SLC30A8: variants seen among roughly 807,000 people sequenced by gnomAD.
SLC30A8 encodes the protein solute carrier family 30 member 8, also known as proton-coupled zinc antiporter SLC30A8.
Under a neutral mutation model 36.9 loss-of-function variants are expected in SLC30A8, and 27 were observed. That is an observed-to-expected ratio of 0.73 (90% CI 0.54 to 1.01). The LOEUF (loss-of-function observed/expected upper bound fraction) is 1.01. SLC30A8 is among the 50% of genes least tolerant of loss of function. SLC30A8 has a pLI of 0.00. For synonymous variants in SLC30A8, 164 were observed against 172.4 expected, an observed-to-expected ratio of 0.95 and a Z score of 0.38; for missense variants, 439 against 452.0, an observed-to-expected ratio of 0.97 and a Z score of 0.26.
At chr8:117,099,325 G>A (rs16889399) in intron 2 of SLC30A8, among the ~76,000 whole-genome samples, 14,440 of 152,074 alleles carry the variant, frequency 0.095, 1,115 homozygotes, top group African/African-American at 0.22. Flanking sequence ...CAGGTCTCAC[G>A]TCTCAGCTAC....
intron 2 of SLC30A8, among the ~76,000 whole-genome samples, chr8:117,076,459 A>G (rs928184296): frequency 6.6e-6 from 1 of 152,188 alleles, no homozygotes; most frequent in African/African-American, 2.4e-5. Context: ...GTTACTCATC[A>G]AGATGAATGA....
At chr8:116,968,336 TA>T (rs960444960) in intron 1 of SLC30A8, among the ~76,000 whole-genome samples, 1 of 150,012 alleles carries the variant, frequency 6.7e-6, no homozygotes, top group Non-Finnish European at 1.5e-5. Context: ...AGTATAGCTA[TA>T]TTATATAGCT....
chr8:117,117,485 G>A (rs1479384589), intron 2 of SLC30A8, among the ~76,000 whole-genome samples: 3 of 152,018 alleles, frequency 2.0e-5, no homozygotes, highest in Non-Finnish European at 4.4e-5. Flanking sequence ...TGTTGGGAAG[G>A]AAGATGCTTT....
At chr8:117,140,569 G>T (rs1488719514) in intron 1 of SLC30A8, among the ~76,000 whole-genome samples, 1 of 152,072 alleles carries the variant, frequency 6.6e-6, no homozygotes, top group Non-Finnish European at 1.5e-5. Context: ...TCTACCAGAA[G>T]CAAAGGAGGA....
chr8:117,094,005 G>A (rs1819251289), intron 2 of SLC30A8, among the ~76,000 whole-genome samples: 1 of 152,242 alleles, frequency 6.6e-6, no homozygotes. Context: ...CAGGCATCCT[G>A]CAAGCAGCTT....
At chr8:117,066,486 A>G (rs936254276) in intron 2 of SLC30A8, among the ~76,000 whole-genome samples, 7 of 152,184 alleles carry the variant, frequency 4.6e-5, no homozygotes, top group Non-Finnish European at 1.0e-4. Context: ...TTCTAGTAAC[A>G]GAAAAGTGAT....
chr8:117,031,307 G>A (rs1487923976), intron 1 of SLC30A8, among the ~76,000 whole-genome samples: 1 of 152,166 alleles, frequency 6.6e-6, no homozygotes, highest in Non-Finnish European at 1.5e-5. Flanking sequence ...GTTGTTTAGA[G>A]AGAAACAGTA....
At chr8:117,073,584 A>G (rs899173466) in intron 2 of SLC30A8, among the ~76,000 whole-genome samples, 1 of 152,176 alleles carries the variant, frequency 6.6e-6, no homozygotes, top group Non-Finnish European at 1.5e-5. Context: ...CTCTACAAAT[A>G]GTTCTTGCTT....
intron 2 of SLC30A8, among the ~76,000 whole-genome samples, chr8:117,058,149 G>A (rs1462127498): frequency 6.6e-6 from 1 of 151,968 alleles, no homozygotes; most frequent in Admixed American, 6.6e-5. Flanking sequence ...TGATGTTGAG[G>A]ACCTTTTTGT....
At chr8:117,070,895 A>G (rs1446708266) in intron 2 of SLC30A8, among the ~76,000 whole-genome samples, 2 of 152,162 alleles carry the variant, frequency 1.3e-5, no homozygotes, top group African/African-American at 4.8e-5. Context: ...TTTAAGGCTG[A>G]ATACTATTCC....
chr8:117,099,171 GTC>G (rs749832621), intron 2 of SLC30A8, among the ~76,000 whole-genome samples: 7 of 152,086 alleles, frequency 4.6e-5, no homozygotes, highest in Non-Finnish European at 1.0e-4. Flanking sequence ...AAACCATTCT[GTC>G]TCTCACACAC....
chr8:116,985,852 A>G (rs1046085340), intron 1 of SLC30A8, among the ~76,000 whole-genome samples: 1 of 146,018 alleles, frequency 6.8e-6, no homozygotes, highest in Non-Finnish European at 1.5e-5. Flanking sequence ...GTGTGCATGC[A>G]TATGTGTGTC....
intron 1 of SLC30A8, among the ~76,000 whole-genome samples, chr8:117,023,985 A>T (rs1816794005): frequency 6.6e-6 from 1 of 152,168 alleles, no homozygotes; most frequent in Non-Finnish European, 1.5e-5. Flanking sequence ...ATATTTTAAA[A>T]TATTTGCTTT....
chr8:117,005,313 A>G (rs1350655089), intron 1 of SLC30A8, among the ~76,000 whole-genome samples: 1 of 152,202 alleles, frequency 6.6e-6, no homozygotes, highest in Non-Finnish European at 1.5e-5. Context: ...AATCACATAA[A>G]TCATATGTCT....
At chr8:117,108,539 A>G (rs1443384487) in intron 2 of SLC30A8, among the ~76,000 whole-genome samples, 1 of 152,118 alleles carries the variant, frequency 6.6e-6, no homozygotes, top group Non-Finnish European at 1.5e-5. Flanking sequence ...TTTCCCTCTC[A>G]CTGTCTCAGA....
At chr8:117,087,840 T>C (rs1439060971) in intron 2 of SLC30A8, among the ~76,000 whole-genome samples, 1 of 152,212 alleles carries the variant, frequency 6.6e-6, no homozygotes, top group Admixed American at 6.5e-5. Context: ...ATATTCATTT[T>C]AGACTTATAT....
chr8:117,048,349 T>G (rs1186657163), intron 2 of SLC30A8, among the ~76,000 whole-genome samples: 3 of 152,202 alleles, frequency 2.0e-5, no homozygotes, highest in African/African-American at 7.2e-5. Flanking sequence ...TGGAACAGGA[T>G]TGACGAGCTG....
At chr8:117,016,042 A>T (rs900787000) in intron 1 of SLC30A8, among the ~76,000 whole-genome samples, 7 of 152,312 alleles carry the variant, frequency 4.6e-5, no homozygotes, top group Admixed American at 2.6e-4. Context: ...AACGTTGGTA[A>T]GAGAGAAGGG....
chr8:117,080,679 T>C (rs928747618), intron 2 of SLC30A8, among the ~76,000 whole-genome samples: 1 of 152,242 alleles, frequency 6.6e-6, no homozygotes, highest in Non-Finnish European at 1.5e-5. Context: ...TTCTTTTTTA[T>C]GGCTGCATAG....
Sources: gnomAD v4.1 joint callset for allele counts (sites outside exome capture counted in the v4.1 genomes callset) on GRCh38, gnomAD v4.1.1 for gene constraint, MANE v1.5 for transcripts, NCBI Gene and HGNC (gene_info 2026-07-23, HGNC 2026-07-21) for gene names.